Variants in IL15 observed in about 807,000 individuals in gnomAD.
IL15 encodes interleukin 15, also known as interleukin-15.
A neutral mutation model predicts 19.6 loss-of-function variants in IL15; 11 were observed. The observed-to-expected ratio is 0.56, with a 90% confidence interval of 0.35 to 0.93. The LOEUF is 0.93. Ranked by LOEUF, IL15 falls within the 40% of genes least tolerant of loss-of-function variation. IL15 has a pLI of 0.01. For synonymous variants in IL15, 58 were observed against 59.6 expected (o/e 0.97, Z 0.12); for missense variants, 197 against 186.5 (o/e 1.06, Z -0.33).
intron 2 of IL15, among the ~76,000 whole-genome samples, chr4:141,666,743 C>T (rs1469634734): frequency 6.6e-6 from 1 of 151,936 alleles, no homozygotes; most frequent in Non-Finnish European, 1.5e-5. Flanking sequence ...CCCTTTGTGT[C>T]TTGGAGCTGG....
rs934128065 is a variant in IL15 at position 141,687,797 on chromosome 4, A to G, written c.-100+31490A>G. On this transcript the variant is annotated intron_variant, in intron 2 of 7. Transcript: ENST00000320650. ...ATTCTAAATAACCCAGCCTTTTACT[A>G]AAGTGAATTTGAAATGAGTTGTGAT... Among the ~76,000 whole-genome samples the G allele has an allele frequency of 1.9e-4, 29 of 152,208 alleles. 2 individuals are homozygous for G. The highest frequency in any genetic ancestry group is 1.8e-3 in the Admixed American group (28 of 15,276).
At chr4:141,691,738 C>T (rs1728918622) in intron 2 of IL15, among the ~76,000 whole-genome samples, 1 of 152,196 alleles carries the variant, frequency 6.6e-6, no homozygotes, top group South Asian at 2.1e-4. Context: ...CTTGGGCATC[C>T]CTACTGGGTC....
At chr4:141,656,086 A>G (rs1727583989) in intron 1 of IL15, 100 bp from the exon 2 acceptor site, 1 of 395,374 alleles carries the variant, frequency 2.5e-6, no homozygotes, top group Non-Finnish European at 4.5e-6. Context: ...CTGTTTTTTT[A>G]TAGCATGATC....
intron 2 of IL15, among the ~76,000 whole-genome samples, chr4:141,687,954 A>G (rs1265563394): frequency 6.6e-6 from 1 of 152,134 alleles, no homozygotes; most frequent in Non-Finnish European, 1.5e-5. Flanking sequence ...CCTTTCAGAG[A>G]TGAAGAATTT....
chr4:141,659,136 A>G (rs1727705532), intron 2 of IL15, among the ~76,000 whole-genome samples: 1 of 151,538 alleles, frequency 6.6e-6, no homozygotes, highest in Non-Finnish European at 1.5e-5. Context: ...GGCGTGAGCC[A>G]CTGTCCCCGG....
intron 2 of IL15, among the ~76,000 whole-genome samples, chr4:141,703,836 G>A (rs1044242993): frequency 6.6e-6 from 1 of 151,108 alleles, no homozygotes; most frequent in Non-Finnish European, 1.5e-5. Context: ...ATTGTAAATA[G>A]GATCCCTTTT....
chr4:141,651,162 CAT>C (rs35758746), intron 1 of IL15, among the ~76,000 whole-genome samples: 32 of 149,050 alleles, frequency 2.1e-4, no homozygotes, highest in Admixed American at 2.7e-4. Context: ...ATATACACAC[CAT>C]ATATATATAT....
At chr4:141,732,401 C>T (rs1730479296) in intron 7 of IL15, among the ~76,000 whole-genome samples, 1 of 152,124 alleles carries the variant, frequency 6.6e-6, no homozygotes, top group East Asian at 1.9e-4. Context: ...TAAGGAACAG[C>T]TCATGAAGAG....
chr4:141,707,154 T>C (rs1226863502), intron 2 of IL15, among the ~76,000 whole-genome samples: 1 of 152,180 alleles, frequency 6.6e-6, no homozygotes, highest in Non-Finnish European at 1.5e-5. Context: ...GCCTGTTTTC[T>C]AGTTCAGAAA....
intron 2 of IL15, among the ~76,000 whole-genome samples, chr4:141,690,651 T>G (rs1356469536): frequency 6.6e-6 from 1 of 152,212 alleles, no homozygotes; most frequent in East Asian, 1.9e-4. Context: ...CCTTGCTTCC[T>G]TTAAGCCCTC....
intron 2 of IL15, among the ~76,000 whole-genome samples, chr4:141,661,183 A>AGAATTTGTCAGG (rs1239697009): frequency 6.6e-6 from 1 of 152,198 alleles, no homozygotes; most frequent in Non-Finnish European, 1.5e-5. Context: ...TGAAATTAGC[A>AGAATTTGTCAGG]GAATTTGTGC....
intron 4 of IL15, chr4:141,721,469 G>A (rs1464766708): frequency 1.7e-6 from 1 of 579,892 alleles, no homozygotes; most frequent in African/African-American, 1.8e-5. Context: ...GTTTAATGTA[G>A]TGTAAAAAAA....
intron 2 of IL15, chr4:141,718,356 TGAA>T (rs1729961593): frequency 1.3e-5 from 2 of 152,124 alleles, no homozygotes; most frequent in Non-Finnish European, 2.9e-5. Context: ...GATGAAATGA[TGAA>T]GATTACGGTA....
At chr4:141,663,308 C>T (rs1479738517) in intron 2 of IL15, among the ~76,000 whole-genome samples, 1 of 152,142 alleles carries the variant, frequency 6.6e-6, no homozygotes, top group African/African-American at 2.4e-5. Flanking sequence ...ATTGGGTGAT[C>T]CCTTTCTTCC....
intron 1 of IL15, among the ~76,000 whole-genome samples, chr4:141,637,561 T>C (rs760911392): frequency 2.0e-5 from 3 of 152,034 alleles, no homozygotes; most frequent in Non-Finnish European, 4.4e-5. Flanking sequence ...ATCCAGCCAA[T>C]TTTTTCAAGT....
At chr4:141,677,859 G>A (rs1009555238) in intron 2 of IL15, among the ~76,000 whole-genome samples, 3 of 152,176 alleles carry the variant, frequency 2.0e-5, no homozygotes, top group Admixed American at 6.5e-5. Context: ...GGAGTGATAC[G>A]TTGTCACATG....
rs190465756 is a variant in IL15, at chr4:141,696,807, C to T, written c.-99-22559C>T. On this transcript the variant is annotated intron_variant, in intron 2 of 7. Coordinates refer to ENST00000320650, the MANE Select transcript of IL15 (RefSeq NM_000585.5). ...ATATGTTTGCTGGCCATTTGTATAT[C>T]TTCTTTTGGGAATTATTTATTTTTG... Among the ~76,000 whole-genome samples, 169 of 152,042 alleles carry T rather than the reference C, an allele frequency of 1.1e-3. 1 individual carries two copies. Among genetic ancestry groups the T allele is most frequent in the Admixed American group, 4.0e-3 (61 of 15,266 alleles).
chr4:141,715,837 A>G (rs1304022981), intron 2 of IL15: 1 of 152,200 alleles, frequency 6.6e-6, no homozygotes, highest in African/African-American at 2.4e-5. Context: ...AGAACAAAAC[A>G]TCAAGTATGT....
chr4:141,668,969 T>C (rs759347185), intron 2 of IL15, among the ~76,000 whole-genome samples: 4 of 152,232 alleles, frequency 2.6e-5, no homozygotes, highest in Admixed American at 1.3e-4. Flanking sequence ...TGTGTCACTT[T>C]AGGTAAATAA....
Sources: allele counts gnomAD v4.1 joint callset (sites outside exome capture counted in the v4.1 genomes callset), GRCh38; gene constraint gnomAD v4.1.1; transcripts MANE v1.5; gene names NCBI Gene and HGNC (gene_info 2026-07-23, HGNC 2026-07-21).